The following IRAG1 variants were observed in gnomAD, a reference collection of about 807,000 sequenced individuals.
IRAG1 encodes the protein inositol 1,4,5-triphosphate receptor associated 1.
In IRAG1, 62 loss-of-function variants were observed where a neutral mutation model predicts 106.2. The observed-to-expected ratio is 0.58, with a 90% CI of 0.48 to 0.72. IRAG1 has a LOEUF of 0.72. IRAG1 is among the 30% of genes least tolerant of loss of function. The pLI is 0.00. For missense variants in IRAG1, 1,064 were observed against 1,140.7 expected (o/e 0.93, Z 0.97); for synonymous variants, 462 against 443.9 (o/e 1.04, Z -0.51).
At chr11:10,660,870 C>T (rs1483620817) in intron 1 of IRAG1, among the ~76,000 whole-genome samples, 1 of 152,180 alleles carries the variant, frequency 6.6e-6, no homozygotes, top group Non-Finnish European at 1.5e-5. Context: ...CTCTGAGTCC[C>T]ATCAATCCTA....
chr11:10,593,464 G>C (rs764110611), intron 17 of IRAG1, 28 bp downstream of exon 17: 1 of 1,582,266 alleles, frequency 6.3e-7, no homozygotes, highest in Non-Finnish European at 8.7e-7. Context: ...ACTATTCTGT[G>C]CTGGGAGGCA....
At chr11:10,602,956 A>G (rs1167478798) in intron 14 of IRAG1, among the ~76,000 whole-genome samples, 164 bp downstream of exon 14, 3 of 152,124 alleles carry the variant, frequency 2.0e-5, no homozygotes, top group Non-Finnish European at 4.4e-5. Flanking sequence ...GGGTTCAGTG[A>G]TCTGCCAAAA....
intron 11 of IRAG1, among the ~76,000 whole-genome samples, chr11:10,609,325 T>C (rs1246487230): frequency 6.6e-6 from 1 of 152,202 alleles, no homozygotes; most frequent in African/African-American, 2.4e-5. Context: ...GAAGGATCAC[T>C]TGAGGCCAGG....
At chr11:10,623,689 G>A in intron 10 of IRAG1, 89 bp downstream of exon 10, 3 of 1,195,572 alleles carry the variant, frequency 2.5e-6, no homozygotes, top group Non-Finnish European at 3.7e-6. Context: ...GAAGACACAG[G>A]AAGTCTTGTG....
At chr11:10,625,831 G>A in intron 9 of IRAG1, 135 bp downstream of exon 9, 6 of 893,552 alleles carry the variant, frequency 6.7e-6, no homozygotes, top group Non-Finnish European at 9.0e-6. Context: ...CTCAGAGTGG[G>A]AAAATTTACG....
At chr11:10,609,945 C>T (rs1265772850) in intron 10 of IRAG1, 94 bp from the exon 11 acceptor site, 4 of 1,263,916 alleles carry the variant, frequency 3.2e-6, no homozygotes, top group East Asian at 4.7e-5. Flanking sequence ...TTATAAGTAT[C>T]TAGTTCTATG....
intron 11 of IRAG1, among the ~76,000 whole-genome samples, chr11:10,608,639 T>A (rs1418293783): frequency 6.6e-6 from 1 of 152,240 alleles, no homozygotes; most frequent in African/African-American, 2.4e-5. Flanking sequence ...TTTGTATATC[T>A]TCTCTGAAGA....
At chr11:10,650,487 G>T (rs1298993359) in intron 2 of IRAG1, among the ~76,000 whole-genome samples, 1 of 152,144 alleles carries the variant, frequency 6.6e-6, no homozygotes, top group East Asian at 1.9e-4. Flanking sequence ...CTGATTCAAG[G>T]GTACTACCAT....
At position 10,628,065 on chromosome 11, in the gene IRAG1, C is replaced by T; in HGVS notation, c.653-40G>A. ...ACACTAGTGAGTGAGGCCCAGCAGC[C>T]CAGGCCCTCAGCTGTGCTTTCAGCC... is the stretch of plus-strand genomic sequence containing the variant. On this transcript the variant is annotated intron_variant, in intron 6 of 20. Transcript: ENST00000423302. The surrounding 1 kb of genome is among the most constrained non-coding windows in gnomAD (Gnocchi z 4.1). 1 of 1,609,476 alleles carries T rather than the reference C, an allele frequency of 6.2e-7. No individual in the cohort carries two copies. Among genetic ancestry groups the T allele is most frequent in the Non-Finnish European group, 8.5e-7 (1 of 1,176,826 alleles).
At chr11:10,612,501 G>C (rs1015526805) in intron 10 of IRAG1, among the ~76,000 whole-genome samples, 4 of 152,116 alleles carry the variant, frequency 2.6e-5, no homozygotes, top group African/African-American at 9.7e-5. Context: ...AAGGCTAAGA[G>C]ATCCCAGCTA....
At chr11:10,684,185 T>C (rs573042540) in intron 1 of IRAG1, among the ~76,000 whole-genome samples, 35 of 152,102 alleles carry the variant, frequency 2.3e-4, no homozygotes, top group Non-Finnish European at 3.5e-4. Context: ...CTATTCACAA[T>C]AGCAAAGACT....
intron 1 of IRAG1, among the ~76,000 whole-genome samples, chr11:10,681,228 G>T (rs1383380290): frequency 6.6e-6 from 1 of 152,216 alleles, no homozygotes; most frequent in Non-Finnish European, 1.5e-5. Flanking sequence ...GCTGGGAGAA[G>T]CTGGCCCTGT....
chr11:10,624,473 A>G (rs943772514), intron 9 of IRAG1, among the ~76,000 whole-genome samples: 1 of 152,194 alleles, frequency 6.6e-6, no homozygotes, highest in Non-Finnish European at 1.5e-5. Context: ...ATGTGGCCCA[A>G]GTGGGCTCAC....
At chr11:10,633,904 G>A (rs1856933919) in intron 3 of IRAG1, 64 bp downstream of exon 3, 2 of 847,410 alleles carry the variant, frequency 2.4e-6, no homozygotes, top group Non-Finnish European at 3.5e-6. Context: ...TAAAAATATA[G>A]CTGTCTGATC....
At chr11:10,587,118 T>C (rs1008682507) in intron 18 of IRAG1, among the ~76,000 whole-genome samples, 2 of 152,208 alleles carry the variant, frequency 1.3e-5, no homozygotes, top group African/African-American at 4.8e-5. Flanking sequence ...TCCTATGTGC[T>C]TTCTTTCTGG....
chr11:10,676,800 C>T (rs923601261), intron 1 of IRAG1, among the ~76,000 whole-genome samples: 56 of 152,174 alleles, frequency 3.7e-4, no homozygotes, highest in African/African-American at 1.3e-3. Context: ...AATTTGAATC[C>T]GTTTCTATTC....
At chr11:10,601,192 T>A in intron 14 of IRAG1, 133 bp from the exon 15 acceptor site, 1 of 1,278,202 alleles carries the variant, frequency 7.8e-7, no homozygotes, top group Non-Finnish European at 1.1e-6. Context: ...CTCTGAAGAG[T>A]TTGCTGTCTG....
chr11:10,673,319 G>T (rs1363616060), intron 1 of IRAG1, among the ~76,000 whole-genome samples: 1 of 152,018 alleles, frequency 6.6e-6, no homozygotes, highest in Non-Finnish European at 1.5e-5. Context: ...TAAGTTTTAA[G>T]TTTCATGCTA....
At chr11:10,594,290 A>T in intron 15 of IRAG1, 95 bp from the exon 16 acceptor site, 4 of 1,226,114 alleles carry the variant, frequency 3.3e-6, no homozygotes, top group Non-Finnish European at 4.7e-6. Flanking sequence ...CATGGGCCAG[A>T]ACTGGCCCTC....
Sources: gnomAD v4.1 joint callset for allele counts (sites outside exome capture counted in the v4.1 genomes callset) on GRCh38, gnomAD v4.1.1 for gene constraint, Gnocchi (gnomAD v3.1) non-coding constraint, MANE v1.5 for transcripts, NCBI Gene and HGNC (gene_info 2026-07-23, HGNC 2026-07-21) for gene names.